The following MARS1 variants were observed in gnomAD, a reference collection of about 807,000 sequenced individuals.
MARS1 encodes methionine--tRNA ligase, cytoplasmic.
A neutral mutation model predicts 119.5 loss-of-function variants in MARS1; 80 were observed. The observed-to-expected ratio is 0.67, with a 90% confidence interval of 0.56 to 0.81. The LOEUF (loss-of-function observed/expected upper bound fraction) is 0.81, where lower values mean the gene tolerates loss of function less well. Ranked by LOEUF, MARS1 falls within the 30% of genes least tolerant of loss-of-function variation. The probability of loss-of-function intolerance (pLI) is 0.00; values close to 1 mark genes in which losing one functional copy is unlikely to be tolerated. For synonymous variants in MARS1, 418 were observed against 433.4 expected, an observed-to-expected ratio of 0.96 and a Z score of 0.44; for missense variants, 945 against 1,116.5, an observed-to-expected ratio of 0.85 and a Z score of 2.19.
At chr12:57,505,451 C>T (rs1877139871) in intron 11 of MARS1, among the ~76,000 whole-genome samples, 1 of 152,084 alleles carries the variant, frequency 6.6e-6, no homozygotes, top group Non-Finnish European at 1.5e-5. Flanking sequence ...TGTGAGCCAC[C>T]ATCCCAGCCT....
Position 57,516,448 on chromosome 12 carries a change from G to C in MARS1, c.2570G>C (p.Arg857Pro), listed in dbSNP as rs1057524849. 6.2e-7 allele frequency: 1 copy of C among 1,613,084 alleles called. No individual in the cohort carries two copies. Among genetic ancestry groups the C allele is most frequent in the Non-Finnish European group, 8.5e-7 (1 of 1,179,678 alleles). The part of the protein sequence containing the change: ...DEVTKQGNIV[R>P]ELKAQKADKN... ...CCTTTATCTTAGGGAAACATTGTCC[G>C]AGAACTGAAAGCACAAAAGGCAGAC... The change falls in exon 21 of 21, where the codon CGA becomes CCA. Residue 857 changes from arginine (R) to proline (P), a missense_variant. Coordinates refer to ENST00000262027, the MANE Select transcript of MARS1 (RefSeq NM_004990.4).
chr12:57,516,076 C>G, intron 19 of MARS1, 85 bp downstream of exon 19: 1 of 1,461,242 alleles, frequency 6.8e-7, no homozygotes, highest in Non-Finnish European at 9.6e-7. Flanking sequence ...TCACCCATCA[C>G]TCTTTCCATC....
In MARS1 at chr12:57,500,425, G is replaced by T; in HGVS notation, c.1196G>T (p.Arg399Leu). 1 of 1,614,200 alleles carries T rather than the reference G, an allele frequency of 6.2e-7. No homozygotes were observed. ...CEHCARFLADRFVEGVCPFCG... is the reference protein window; with the variant it reads ...CEHCARFLADLFVEGVCPFCG... ...CACTGTGCTCGCTTCCTGGCTGACC[G>T]CTTCGTGGAGGGCGTGTGTCCCTTC... Residue 399 changes from arginine to leucine, a missense_variant, in exon 10 of 21, where the codon CGC becomes CTC. Transcript: ENST00000262027.
intron 15 of MARS1, among the ~76,000 whole-genome samples, chr12:57,513,739 A>G (rs1877635570): frequency 6.6e-6 from 1 of 151,970 alleles, no homozygotes; most frequent in Non-Finnish European, 1.5e-5. Context: ...AGTATTCTCC[A>G]GAATTTAGGA....
rs755144735 is a variant in MARS1 at position 57,489,996 on chromosome 12, A to G, written c.490+25A>G. The G allele has an allele frequency of 1.7e-5, 28 of 1,605,768 alleles. No homozygotes were observed. In the Middle Eastern group the frequency reaches 4.9e-4, roughly 28 times the overall value. On this transcript the variant is annotated intron_variant, in intron 5 of 20. Transcript: ENST00000262027. Reference sequence around the variant, plus strand: ...GGTGAGAACTGTGCATATCACTCCAACCCTAGGAGCTTGGTGTAGGGGTTA... The same window carrying G: ...GGTGAGAACTGTGCATATCACTCCAGCCCTAGGAGCTTGGTGTAGGGGTTA...
chr12:57,516,031 C>T (rs751159663), intron 19 of MARS1, 40 bp downstream of exon 19: 4 of 1,589,594 alleles, frequency 2.5e-6, no homozygotes, highest in Non-Finnish European at 3.5e-6. Context: ...CCACAACAGC[C>T]ACAGCATCAC....
At chr12:57,495,769 C>T (rs374777377) in intron 7 of MARS1, among the ~76,000 whole-genome samples, 26 of 152,324 alleles carry the variant, frequency 1.7e-4, no homozygotes, top group African/African-American at 6.3e-4. Context: ...GAGGCCCAGG[C>T]GGGCAGATCA....
At position 57,512,858 on chromosome 12, in the gene MARS1, C is replaced by A. The variant is rs566006440; in HGVS notation, c.1861C>A (p.Leu621Met). The A allele has an allele frequency of 1.2e-6, 2 of 1,614,230 alleles. No individual in the cohort carries two copies. The highest frequency in any genetic ancestry group is 2.7e-5 in the African/African-American group (2 of 75,068). The change falls in exon 15 of 21, where the codon CTG becomes ATG. Residue 621 changes from leucine (L) to methionine (M), a missense_variant. Coordinates refer to ENST00000262027, the MANE Select transcript of MARS1 (RefSeq NM_004990.4). The stretch of plus-strand genomic sequence containing the variant: ...CCCTGCTGACATCTGGCGCTTCTAT[C>A]TGCTGTACATTCGGCCTGAGGGCCA... Reference protein sequence around the residue: ...GIPADIWRFYLLYIRPEGQDS... With the variant: ...GIPADIWRFYMLYIRPEGQDS...
rs1267654572 is a variant in MARS1, at chr12:57,512,052, C to T, written c.1584C>T (p.Ile528=). The T allele has an allele frequency of 1.2e-6, 2 of 1,614,178 alleles. No homozygotes were observed. The highest frequency in any genetic ancestry group is 4.5e-5 in the East Asian group (2 of 44,884). ...WFDATIGYLS[I]TANYTDQWER... is the part of the protein sequence containing the mutation. ...ATGCCACTATTGGCTATCTGTCCAT[C>T]ACAGCCAACTACACAGACCAGTGGG... is the stretch of plus-strand genomic sequence containing the variant. The change falls in exon 13 of 21, where the codon ATC becomes ATT. Residue 528 remains isoleucine, a synonymous_variant. Transcript: ENST00000262027.
chr12:57,492,838 T>C (rs1876056992), intron 7 of MARS1, among the ~76,000 whole-genome samples: 1 of 152,028 alleles, frequency 6.6e-6, no homozygotes, highest in South Asian at 2.1e-4. Context: ...GCAAGAGAGT[T>C]TGCCTCTTAA....
At chr12:57,493,833 A>G (rs1876380968) in intron 7 of MARS1, among the ~76,000 whole-genome samples, 1 of 1,114 alleles carries the variant, frequency 9.0e-4, no homozygotes, top group Non-Finnish European at 3.9e-3. Flanking sequence ...ATTATATTAT[A>G]TATTATAATA....
chr12:57,502,926 C>T (rs568731301), intron 10 of MARS1, among the ~76,000 whole-genome samples: 1 of 148,942 alleles, frequency 6.7e-6, no homozygotes, highest in East Asian at 2.0e-4. Context: ...CTCAGGAGGC[C>T]GAGGCTGGAG....
At chr12:57,493,776 T>TAATATATTATATATTATA (rs1876343741) in intron 7 of MARS1, among the ~76,000 whole-genome samples, 1 of 700 alleles carries the variant, frequency 1.4e-3, no homozygotes, top group Non-Finnish European at 3.3e-3. Context: ...TTATATATAA[T>TAATATATTATATATTATA]ATATATTATA....
chr12:57,503,124 T>C (rs1246484620), intron 10 of MARS1, among the ~76,000 whole-genome samples: 1 of 152,160 alleles, frequency 6.6e-6, no homozygotes, highest in Non-Finnish European at 1.5e-5. Context: ...AAGTTTTCAT[T>C]CATTAGCTCC....
intron 15 of MARS1, 75 bp downstream of exon 15, chr12:57,513,039 G>A: frequency 8.0e-7 from 1 of 1,256,188 alleles, no homozygotes; most frequent in Non-Finnish European, 1.2e-6. Flanking sequence ...ATGGGAATGT[G>A]GAGAGAACTA....
intron 10 of MARS1, chr12:57,503,866 TC>T (rs1877054717): frequency 5.3e-6 from 1 of 187,252 alleles, no homozygotes; most frequent in Non-Finnish European, 1.1e-5. Flanking sequence ...ATAAGCCATC[TC>T]TCCCTGACTT....
intron 1 of MARS1, chr12:57,488,755 G>C: frequency 8.3e-7 from 1 of 1,204,228 alleles, no homozygotes; most frequent in Non-Finnish European, 1.2e-6. Context: ...TTAAGTTCTT[G>C]GCTGCAGCAC....
chr12:57,514,201 A>T (rs1877661097), intron 15 of MARS1, among the ~76,000 whole-genome samples: 1 of 127,474 alleles, frequency 7.8e-6, no homozygotes, highest in South Asian at 2.5e-4. Flanking sequence ...CTTGTTGCCC[A>T]GGCTGGAGTG....
At chr12:57,508,614 C>T (rs1259858838) in intron 11 of MARS1, among the ~76,000 whole-genome samples, 4 of 152,124 alleles carry the variant, frequency 2.6e-5, no homozygotes, top group African/African-American at 9.7e-5. Context: ...GGCGGCAGTA[C>T]AGTCCAGCTT....
Sources: allele counts gnomAD v4.1 joint callset (sites outside exome capture counted in the v4.1 genomes callset), GRCh38; gene constraint gnomAD v4.1.1; transcripts MANE v1.5; gene names NCBI Gene and HGNC (gene_info 2026-07-23, HGNC 2026-07-21).